The following ADAMTS6 variants were observed in gnomAD, a reference collection of about 807,000 sequenced individuals.
The protein encoded by ADAMTS6 is A disintegrin and metalloproteinase with thrombospondin motifs 6.
In ADAMTS6, 23 loss-of-function variants were observed where a neutral mutation model predicts 144.3. The observed-to-expected ratio is 0.16, with a 90% CI of 0.11 to 0.23. The LOEUF (loss-of-function observed/expected upper bound fraction) is 0.23, where lower values mean the gene tolerates loss of function less well. ADAMTS6 is among the 10% of genes least tolerant of loss of function. ADAMTS6 has a pLI of 1.00. For missense variants in ADAMTS6, 999 were observed against 1,379.6 expected (o/e 0.72, Z 4.37); for synonymous variants, 444 against 457.5 (o/e 0.97, Z 0.38).
chr5:65,399,023 G>A (rs552953033), intron 7 of ADAMTS6, among the ~76,000 whole-genome samples: 3 of 152,048 alleles, frequency 2.0e-5, no homozygotes, highest in Non-Finnish European at 4.4e-5. Flanking sequence ...TTGGGAGGCC[G>A]AGGTGGATGG....
At chr5:65,313,951 A>G (rs1744737509) in intron 9 of ADAMTS6, among the ~76,000 whole-genome samples, 1 of 152,076 alleles carries the variant, frequency 6.6e-6, no homozygotes, top group Non-Finnish European at 1.5e-5. Flanking sequence ...TACCCAATAC[A>G]TCATGTCTAG....
intron 22 of ADAMTS6, among the ~76,000 whole-genome samples, chr5:65,178,152 T>C (rs1300819089): frequency 2.0e-5 from 3 of 152,210 alleles, no homozygotes; most frequent in Non-Finnish European, 4.4e-5. Flanking sequence ...GTGGTGGACC[T>C]TTACTGGGCA....
chr5:65,154,210 AAAAC>A (rs533971870), intron 24 of ADAMTS6, among the ~76,000 whole-genome samples: 6 of 152,210 alleles, frequency 3.9e-5, no homozygotes, highest in South Asian at 4.1e-4. Context: ...TCCGTCTCAA[AAAAC>A]AAACAAACAA....
chr5:65,460,072 C>T, intron 4 of ADAMTS6, 98 bp downstream of exon 4: 1 of 1,343,746 alleles, frequency 7.4e-7, no homozygotes. Flanking sequence ...AGTCAAACTC[C>T]TACTTCCTTT....
At chr5:65,291,533 G>T (rs1405144112) in intron 10 of ADAMTS6, 63 bp from the exon 11 acceptor site, 7 of 1,488,122 alleles carry the variant, frequency 4.7e-6, no homozygotes, top group Non-Finnish European at 6.3e-6. Context: ...TCACAATTAT[G>T]AAACCACGTG....
At chr5:65,333,997 T>TAA (rs750637450) in intron 8 of ADAMTS6, 45 bp downstream of exon 8, 22,431 of 832,610 alleles carry the variant, frequency 0.027, 11 homozygotes, top group East Asian at 0.034. Flanking sequence ...CTACCTTTAT[T>TAA]AAAAAAAAAA....
chr5:65,270,695 G>A (rs1015631614), intron 12 of ADAMTS6, among the ~76,000 whole-genome samples: 3 of 151,990 alleles, frequency 2.0e-5, no homozygotes, highest in Non-Finnish European at 4.4e-5. Context: ...ACAAAGATTT[G>A]TTTTGTAGAT....
At chr5:65,372,751 G>C (rs1347295409) in intron 7 of ADAMTS6, among the ~76,000 whole-genome samples, 1 of 152,114 alleles carries the variant, frequency 6.6e-6, no homozygotes, top group Non-Finnish European at 1.5e-5. Context: ...TCTGCACCAA[G>C]CAGACCTAAT....
chr5:65,367,892 G>GTA (rs905628395), intron 7 of ADAMTS6, among the ~76,000 whole-genome samples: 12 of 151,528 alleles, frequency 7.9e-5, no homozygotes, highest in African/African-American at 2.7e-4. Context: ...ATATATATGT[G>GTA]TATATATATG....
intron 7 of ADAMTS6, among the ~76,000 whole-genome samples, chr5:65,369,290 C>T (rs1750613135): frequency 1.3e-5 from 2 of 151,948 alleles, no homozygotes; most frequent in South Asian, 2.1e-4. Context: ...AGTTTATAGC[C>T]CACAAGTTAA....
rs139885103 is a variant in ADAMTS6 at position 65,242,174 on chromosome 5, C to G, written c.1863G>C (p.Glu621Asp). Residue 621 changes from glutamate (E) to aspartate (D), a missense_variant, in exon 15 of 25, where the codon GAG becomes GAC. Coordinates refer to ENST00000381055, the MANE Select transcript of ADAMTS6 (RefSeq NM_197941.4). ...PCPLGSRDFR[E>D]KQCADFDNMP... is the part of the protein sequence containing the mutation. ...TATTGTCAAAGTCTGCACACTGTTT[C>G]TCTCGAAAATCTCGGGAACCCAAAG... The G allele has an allele frequency of 1.7e-4, 280 of 1,600,042 alleles. 1 individual carries two copies. Among genetic ancestry groups the G allele is most frequent in the Non-Finnish European group, 2.3e-4 (270 of 1,171,218 alleles).
At chr5:65,206,072 A>C (rs1340233760) in intron 20 of ADAMTS6, among the ~76,000 whole-genome samples, 1 of 152,180 alleles carries the variant, frequency 6.6e-6, no homozygotes, top group Non-Finnish European at 1.5e-5. Context: ...AGTAAAAGGA[A>C]GTTAGGTGAC....
intron 21 of ADAMTS6, among the ~76,000 whole-genome samples, chr5:65,196,550 A>AAAG: frequency 6.8e-6 from 1 of 147,246 alleles, no homozygotes; most frequent in African/African-American, 2.5e-5. Context: ...AAAAAAAAAA[A>AAAG]AAGAGGTCTT....
intron 20 of ADAMTS6, among the ~76,000 whole-genome samples, chr5:65,213,202 T>C (rs1240186019): frequency 1.3e-5 from 2 of 152,252 alleles, no homozygotes; most frequent in Non-Finnish European, 2.9e-5. Flanking sequence ...TCACGAATTA[T>C]ACATAACCAT....
intron 7 of ADAMTS6, among the ~76,000 whole-genome samples, chr5:65,435,447 A>G (rs1282033986): frequency 6.6e-6 from 1 of 151,968 alleles, no homozygotes; most frequent in Non-Finnish European, 1.5e-5. Flanking sequence ...TTTTCTCTGT[A>G]TTTTCTTTCA....
At chr5:65,240,123 A>G (rs1389449214) in intron 15 of ADAMTS6, among the ~76,000 whole-genome samples, 1 of 152,198 alleles carries the variant, frequency 6.6e-6, no homozygotes, top group Non-Finnish European at 1.5e-5. Flanking sequence ...AGCAGAATGG[A>G]AAAACTGGTT....
At chr5:65,463,444 C>T (rs1357004190) in intron 3 of ADAMTS6, among the ~76,000 whole-genome samples, 1 of 152,106 alleles carries the variant, frequency 6.6e-6, no homozygotes, top group African/African-American at 2.4e-5. Flanking sequence ...GGTCTGAAAA[C>T]CAGATGATGG....
rs563896279 is a variant in ADAMTS6 at position 65,433,963 on chromosome 5, C to T, written c.1073+17512G>A. 5.3e-5 allele frequency among the ~76,000 whole-genome samples: 8 copies of T among 152,250 alleles called. No homozygotes were observed. The East Asian group carries it at 1.5e-3, about 29-fold the overall frequency. On this transcript the variant is annotated intron_variant, in intron 7 of 24. Coordinates refer to ENST00000381055, the MANE Select transcript of ADAMTS6 (RefSeq NM_197941.4). ...ACACAAAAACTCCCACATGAATGTC[C>T]ACCATAGCATTTTCCACAATAGCTG...
At chr5:65,467,511 T>C (rs1031876911) in intron 3 of ADAMTS6, among the ~76,000 whole-genome samples, 1 of 152,146 alleles carries the variant, frequency 6.6e-6, no homozygotes, top group African/African-American at 2.4e-5. Context: ...AGCAGACTTA[T>C]ACCTGTGAAT....
Sources: gnomAD v4.1 joint callset for allele counts (sites outside exome capture counted in the v4.1 genomes callset) on GRCh38, gnomAD v4.1.1 for gene constraint, MANE v1.5 for transcripts, NCBI Gene and HGNC (gene_info 2026-07-23, HGNC 2026-07-21) for gene names.